TTC29: variants seen among roughly 807,000 people sequenced by gnomAD.
The protein encoded by TTC29 is tetratricopeptide repeat domain 29.
Under a neutral mutation model 58.1 loss-of-function variants are expected in TTC29, and 49 were observed. That is an observed-to-expected ratio of 0.84 (90% CI 0.67 to 1.07). The LOEUF is 1.07. TTC29 is among the 50% of genes least tolerant of loss of function. The pLI is 0.00. For synonymous variants in TTC29, 209 were observed against 196.8 expected (o/e 1.06, Z -0.52); for missense variants, 582 against 555.6 (o/e 1.05, Z -0.48).
intron 11 of TTC29, among the ~76,000 whole-genome samples, chr4:146,797,832 T>TTTTATA (rs1256771847): frequency 5.4e-5 from 7 of 130,036 alleles, no homozygotes; most frequent in South Asian, 2.5e-4. Flanking sequence ...TTACTTTGTT[T>TTTTATA]TATATATATA....
At chr4:146,868,893 CT>C (rs1730741479) in intron 7 of TTC29, among the ~76,000 whole-genome samples, 1 of 152,008 alleles carries the variant, frequency 6.6e-6, no homozygotes, top group South Asian at 2.1e-4. Context: ...TGGTGCCATC[CT>C]TATGGTAACG....
chr4:146,935,128 C>G (rs1313496981), intron 4 of TTC29, among the ~76,000 whole-genome samples: 1 of 151,904 alleles, frequency 6.6e-6, no homozygotes, highest in Non-Finnish European at 1.5e-5. Context: ...GAGGTTAAGT[C>G]TTGGGAGCAG....
chr4:146,768,251 C>T (rs553182629), intron 11 of TTC29, among the ~76,000 whole-genome samples: 1 of 151,988 alleles, frequency 6.6e-6, no homozygotes, highest in East Asian at 1.9e-4. Context: ...TGTGTACTGA[C>T]AAGTGCTTAG....
intron 7 of TTC29, among the ~76,000 whole-genome samples, chr4:146,872,211 C>T (rs942364335): frequency 3.3e-5 from 5 of 151,780 alleles, no homozygotes; most frequent in African/African-American, 9.7e-5. Flanking sequence ...AATATGAAGT[C>T]GTACCCTCCT....
Position 146,903,533 on chromosome 4 carries a change from T to A in TTC29, c.586+11A>T. On this transcript the variant is annotated intron_variant, in intron 6 of 12. Transcript: ENST00000325106. ...AACATACCCAAGGCATCCTGGCAAATGCCCACTCACCATCTTCCTCGTAGA... is the reference window on the plus strand; with the variant it reads ...AACATACCCAAGGCATCCTGGCAAAAGCCCACTCACCATCTTCCTCGTAGA... 6.3e-7 allele frequency: 1 copy of A among 1,591,522 alleles called. No individual in the cohort carries two copies. Among genetic ancestry groups the A allele is most frequent in the Non-Finnish European group, 8.6e-7 (1 of 1,168,382 alleles).
chr4:146,794,227 T>G (rs1749671774), intron 11 of TTC29, among the ~76,000 whole-genome samples: 2 of 152,166 alleles, frequency 1.3e-5, no homozygotes, highest in African/African-American at 4.8e-5. Context: ...AATGTAGCTA[T>G]TTGGCCATCT....
At chr4:146,908,543 C>A (rs1362375297) in intron 5 of TTC29, among the ~76,000 whole-genome samples, 1 of 152,044 alleles carries the variant, frequency 6.6e-6, no homozygotes, top group Non-Finnish European at 1.5e-5. Flanking sequence ...ATTTTCATGT[C>A]TTTTTACTAT....
intron 8 of TTC29, among the ~76,000 whole-genome samples, chr4:146,834,232 G>A (rs546871136): frequency 3.5e-4 from 53 of 152,082 alleles, no homozygotes; most frequent in African/African-American, 1.1e-3. Context: ...ATTATCTAAC[G>A]TAATATAAGG....
chr4:146,909,781 T>C (rs1332352119), intron 4 of TTC29, among the ~76,000 whole-genome samples: 1 of 152,196 alleles, frequency 6.6e-6, no homozygotes, highest in African/African-American at 2.4e-5. Flanking sequence ...TTAATAATTA[T>C]ATTCTCACTT....
At chr4:146,903,409 C>T (rs1189482915) in intron 6 of TTC29, 135 bp downstream of exon 6, 4 of 730,124 alleles carry the variant, frequency 5.5e-6, no homozygotes, top group Non-Finnish European at 6.2e-6. Flanking sequence ...CATGGTTTTG[C>T]TTTTTGATCT....
chr4:146,798,603 T>G (rs1455486866), intron 11 of TTC29, among the ~76,000 whole-genome samples: 4 of 152,036 alleles, frequency 2.6e-5, no homozygotes, highest in African/African-American at 9.7e-5. Flanking sequence ...TACAAAATAC[T>G]GGCCGGGCTA....
intron 4 of TTC29, among the ~76,000 whole-genome samples, chr4:146,936,571 G>A (rs1228158286): frequency 6.6e-6 from 1 of 152,038 alleles, no homozygotes; most frequent in Non-Finnish European, 1.5e-5. Context: ...CATATACATG[G>A]TAGTCTATAG....
chr4:146,847,369 C>T (rs772077667), intron 8 of TTC29, among the ~76,000 whole-genome samples: 3 of 152,106 alleles, frequency 2.0e-5, no homozygotes, highest in Non-Finnish European at 4.4e-5. Flanking sequence ...CTAATCCCAG[C>T]CAGGAGGTGA....
chr4:146,737,689 A>G (rs1454484759), intron 11 of TTC29, among the ~76,000 whole-genome samples: 11 of 151,474 alleles, frequency 7.3e-5, no homozygotes, highest in Non-Finnish European at 1.5e-4. Flanking sequence ...TCAGGGTGCC[A>G]TTGAAAAAAC....
chr4:146,719,171 C>G (rs1014954412), intron 11 of TTC29, among the ~76,000 whole-genome samples: 23 of 148,180 alleles, frequency 1.6e-4, no homozygotes, highest in African/African-American at 5.8e-4. Flanking sequence ...TTTTGCTCAT[C>G]ATTGCCTTGG....
intron 6 of TTC29, among the ~76,000 whole-genome samples, chr4:146,891,748 C>G (rs540488448): frequency 6.6e-6 from 1 of 152,136 alleles, no homozygotes; most frequent in Non-Finnish European, 1.5e-5. Flanking sequence ...TGAGGCACAG[C>G]CAGAGCACGA....
chr4:146,917,240 A>G (rs1734282196), intron 4 of TTC29, among the ~76,000 whole-genome samples: 1 of 150,552 alleles, frequency 6.6e-6, no homozygotes, highest in Non-Finnish European at 1.5e-5. Flanking sequence ...ATTAAAATGA[A>G]CATTGTTATT....
intron 11 of TTC29, among the ~76,000 whole-genome samples, chr4:146,793,139 T>A (rs1213170773): frequency 1.3e-5 from 2 of 152,182 alleles, no homozygotes; most frequent in Non-Finnish European, 2.9e-5. Context: ...GAATATTACA[T>A]AAATTTAGTT....
intron 8 of TTC29, among the ~76,000 whole-genome samples, chr4:146,859,101 A>G (rs1162231761): frequency 1.3e-5 from 2 of 152,202 alleles, no homozygotes; most frequent in African/African-American, 4.8e-5. Flanking sequence ...TGTCATCTAC[A>G]TGCAGCCAGG....
Sources: gnomAD v4.1 joint callset for allele counts (sites outside exome capture counted in the v4.1 genomes callset) on GRCh38, gnomAD v4.1.1 for gene constraint, MANE v1.5 for transcripts, NCBI Gene and HGNC (gene_info 2026-07-23, HGNC 2026-07-21) for gene names.